Variants in RPS11 observed in about 807,000 individuals in gnomAD.
The protein encoded by RPS11 is small ribosomal subunit protein uS17.
For synonymous variants in RPS11, 107 were observed against 78.0 expected (o/e 1.37, Z -1.96); for missense variants, 127 against 211.4 (o/e 0.60, Z 2.48).
At chr19:49,497,722 C>T (rs777701489) in intron 3 of RPS11, 127 bp downstream of exon 3, 14 of 1,138,160 alleles carry the variant, frequency 1.2e-5, no homozygotes, top group Non-Finnish European at 1.7e-5. Context: ...GGTACATTGG[C>T]AGATGATGTT....
chr19:49,499,361 G>A, intron 4 of RPS11, 151 bp from the exon 5 acceptor site: 2 of 783,496 alleles, frequency 2.6e-6, no homozygotes, highest in Non-Finnish European at 2.1e-6. Flanking sequence ...TTGTACGAAA[G>A]GAGGGGACAG....
At chr19:49,497,382 CGA>C in intron 2 of RPS11, 57 bp downstream of exon 2, 4 of 1,610,530 alleles carry the variant, frequency 2.5e-6, no homozygotes, top group Non-Finnish European at 2.5e-6. Flanking sequence ...CGTGTGCCCA[CGA>C]CGAGTTGCCC....
intron 4 of RPS11, chr19:49,498,280 A>AG: frequency 1.9e-6 from 1 of 535,752 alleles, no homozygotes; most frequent in South Asian, 2.0e-5. Context: ...TCGCATACAT[A>AG]GTGAGATGTT....
Position 49,496,436 on chromosome 19 carries a change from T to A in RPS11, c.-21T>A. The A allele has an allele frequency of 1.2e-6, 2 of 1,612,238 alleles. No individual in the cohort carries two copies. Among genetic ancestry groups the A allele is most frequent in the Non-Finnish European group, 1.7e-6 (2 of 1,179,252 alleles). On this transcript the variant is annotated 5_prime_UTR_variant, in exon 1 of 5. Transcript: ENST00000270625. Reference sequence around the variant, plus strand: ...AACCCGGACGCTGCTGCCCCTTTCTTTTTTTCAGGCGGCCGGGAAGATGGC... The same window carrying A: ...AACCCGGACGCTGCTGCCCCTTTCTATTTTTCAGGCGGCCGGGAAGATGGC...
chr19:49,498,203 G>A (rs1427023792), intron 4 of RPS11, 157 bp downstream of exon 4: 4 of 770,226 alleles, frequency 5.2e-6, no homozygotes, highest in African/African-American at 1.7e-5. Context: ...ATGTTCTTCA[G>A]AATCAAAGCG....
chr19:49,496,451 G>T lies in RPS11; in HGVS notation c.-6G>T. Reference sequence around the variant, plus strand: ...GCCCCTTTCTTTTTTTCAGGCGGCCGGGAAGATGGCGGACATTCAGGTGCG... The same window carrying T: ...GCCCCTTTCTTTTTTTCAGGCGGCCTGGAAGATGGCGGACATTCAGGTGCG... On this transcript the variant is annotated 5_prime_UTR_variant, in exon 1 of 5. Coordinates refer to ENST00000270625, the MANE Select transcript of RPS11 (RefSeq NM_001015.5). 1 of 1,612,114 alleles carries T rather than the reference G, an allele frequency of 6.2e-7. No homozygotes were observed.
intron 1 of RPS11, among the ~76,000 whole-genome samples, chr19:49,496,765 G>A (rs755069877): frequency 3.9e-5 from 6 of 152,146 alleles, no homozygotes; most frequent in East Asian, 3.9e-4. Flanking sequence ...GTAATTCTGT[G>A]GAAACGGACT....
Position 49,497,604 on chromosome 19 carries a change from G to A in RPS11, c.223+9G>A, listed in dbSNP as rs765702636. 33 of 1,611,028 alleles carry A rather than the reference G, an allele frequency of 2.0e-5. No individual in the cohort carries two copies. Among genetic ancestry groups the A allele is most frequent in the South Asian group, 1.1e-4 (10 of 91,020 alleles). The stretch of plus-strand genomic sequence containing the variant: ...AGGGCGGATCCTCTCTGGTAAGTGC[G>A]GGAGTTACTGGTGTCTGGGGCCTGA... On this transcript the variant is annotated intron_variant, in intron 3 of 4. Transcript: ENST00000270625.
intron 1 of RPS11, among the ~76,000 whole-genome samples, chr19:49,496,678 G>T (rs2079908011): frequency 6.6e-6 from 1 of 152,124 alleles, no homozygotes; most frequent in Non-Finnish European, 1.5e-5. Flanking sequence ...CGTTAATGGA[G>T]GCTCAAGCGT....
chr19:49,497,789 TA>T, intron 3 of RPS11, 127 bp from the exon 4 acceptor site: 1 of 1,399,526 alleles, frequency 7.1e-7, no homozygotes. Flanking sequence ...AGCCACTTGG[TA>T]AAACTGATGC....
intron 1 of RPS11, 79 bp from the exon 2 acceptor site, chr19:49,497,115 T>A (rs974768911): frequency 4.5e-6 from 7 of 1,550,752 alleles, no homozygotes; most frequent in African/African-American, 1.4e-5. Flanking sequence ...GTCTGGGAGG[T>A]TCTGGGAAGG....
chr19:49,497,072 G>C, intron 1 of RPS11, 122 bp from the exon 2 acceptor site: 1 of 1,181,344 alleles, frequency 8.5e-7, no homozygotes, highest in South Asian at 1.5e-5. Flanking sequence ...GGCCTTGGAC[G>C]CCGGCGCTTT....
rs143963346 is a variant in RPS11 at position 49,497,280 on chromosome 19, G to A, written c.102G>A (p.Pro34=). ...LLGETGKEKL[P]RYYKNIGLGF... is the part of the protein sequence containing the mutation. Reference sequence around the variant, plus strand: ...GAGAAACTGGCAAGGAGAAGCTCCCGCGGTACTACAAGAACATCGGTCTGG... The same window carrying A: ...GAGAAACTGGCAAGGAGAAGCTCCCACGGTACTACAAGAACATCGGTCTGG... The change falls in exon 2 of 5, where the codon CCG becomes CCA. Residue 34 remains proline (P), a synonymous_variant. Coordinates refer to ENST00000270625, the MANE Select transcript of RPS11 (RefSeq NM_001015.5). 3.7e-6 allele frequency: 6 copies of A among 1,614,040 alleles called. No homozygotes were observed. The African/African-American group carries it at 4.0e-5, about 11-fold the overall frequency.
At chr19:49,496,632 C>T (rs969712071) in intron 1 of RPS11, 161 bp downstream of exon 1, 14 of 724,108 alleles carry the variant, frequency 1.9e-5, no homozygotes, top group Admixed American at 1.2e-4. Context: ...GCTTTTGTTT[C>T]TAGATGAGTG....
Position 49,497,380 on chromosome 19 carries a change from C to T in RPS11, c.147+55C>T, listed in dbSNP as rs2079911799. On this transcript the variant is annotated intron_variant, in intron 2 of 4. Transcript: ENST00000270625. ...AACCTGGCGTTCCTGCACGTGTGCC[C>T]ACGACGAGTTGCCCTGCCTGCATCT... 1.9e-6 allele frequency: 3 copies of T among 1,610,992 alleles called. No individual in the cohort carries two copies. In the East Asian group the frequency reaches 6.7e-5, roughly 36 times the overall value.
chr19:49,497,479 C>A, intron 2 of RPS11, 41 bp from the exon 3 acceptor site: 1 of 1,607,190 alleles, frequency 6.2e-7, no homozygotes, highest in South Asian at 1.1e-5. Context: ...TAAGGAACCG[C>A]CCGCCCAAGG....
Position 49,497,948 on chromosome 19 carries a change from C to T in RPS11, c.255C>T (p.Thr85=), listed in dbSNP as rs11549544. 6.2e-6 allele frequency: 10 copies of T among 1,614,136 alleles called. No individual in the cohort carries two copies. The highest frequency in any genetic ancestry group is 1.6e-4 in the Middle Eastern group (1 of 6,062). The change falls in exon 4 of 5, where the codon ACC becomes ACT. Residue 85 remains threonine, a synonymous_variant. Transcript: ENST00000270625. ...TGACCAAGATGAAGATGCAGAGGAC[C>T]ATTGTCATCCGCCGAGACTATCTGC... ...GVVTKMKMQR[T]IVIRRDYLHY...
intron 1 of RPS11, 78 bp downstream of exon 1, chr19:49,496,549 G>A: frequency 6.8e-7 from 1 of 1,473,822 alleles, no homozygotes; most frequent in Non-Finnish European, 9.2e-7. Context: ...GCAGAGCCCG[G>A]CGGCCAAGTT....
At chr19:49,498,146 A>T (rs1395793652) in intron 4 of RPS11, 100 bp downstream of exon 4, 7 of 1,332,334 alleles carry the variant, frequency 5.3e-6, no homozygotes, top group Non-Finnish European at 6.4e-6. Context: ...GGAAAGACTG[A>T]GGTGGCATCT....
Sources: allele counts gnomAD v4.1 joint callset (sites outside exome capture counted in the v4.1 genomes callset), GRCh38; gene constraint gnomAD v4.1.1; transcripts MANE v1.5; gene names NCBI Gene and HGNC (gene_info 2026-07-23, HGNC 2026-07-21).